The following MAL2 variants were observed in gnomAD, a reference collection of about 807,000 sequenced individuals.
MAL2 encodes the protein mal, T cell differentiation protein 2.
A neutral mutation model predicts 18.1 loss-of-function variants in MAL2; 17 were observed. The ratio of observed to expected loss-of-function variants is 0.94; its 90% confidence interval spans 0.64 to 1.41. The LOEUF is 1.41. MAL2 is among the 40% of genes most tolerant of loss of function. The pLI is 0.00. For missense variants in MAL2, 222 were observed against 231.9 expected (o/e 0.96, Z 0.28); for synonymous variants, 102 against 102.3 (o/e 1.00, Z 0.02).
At chr8:119,231,307 C>G (rs755504435) in intron 2 of MAL2, among the ~76,000 whole-genome samples, 1 of 152,230 alleles carries the variant, frequency 6.6e-6, no homozygotes, top group Non-Finnish European at 1.5e-5. Flanking sequence ...GCTGGGATTA[C>G]AGGCGTGAGC....
intron 2 of MAL2, among the ~76,000 whole-genome samples, chr8:119,232,479 A>G (rs529652773): frequency 2.5e-4 from 38 of 152,332 alleles, no homozygotes; most frequent in African/African-American, 8.7e-4. Context: ...ATATTAATTC[A>G]GGTAAGACAA....
rs1455941616 is a variant in MAL2, at chr8:119,208,423, A to AGGCGGGAGGCGGC, written c.-44_-32dup. 21 of 1,048,518 alleles carry AGGCGGGAGGCGGC rather than the reference A, an allele frequency of 2.0e-5. No individual in the cohort carries two copies. Among genetic ancestry groups the AGGCGGGAGGCGGC allele is most frequent in the Admixed American group, 5.2e-5 (1 of 19,358 alleles). The allele number at this position is 1,048,518 out of a possible 1,614,324, so 65.0% of individuals were successfully genotyped here. On this transcript the variant is annotated 5_prime_UTR_variant, in exon 1 of 4. Transcript: ENST00000614891. The surrounding 1 kb of genome is among the most constrained non-coding windows in gnomAD (Gnocchi z 4.3). ...GCGGCGGCAGGAGCCCGGGAGGCGG[A>AGGCGGGAGGCGGC]GGCGGGAGGCGGCGGCGGCGCGCGG... is the stretch of plus-strand genomic sequence containing the variant.
intron 1 of MAL2, among the ~76,000 whole-genome samples, chr8:119,218,316 C>A (rs188244614): frequency 3.3e-5 from 5 of 152,206 alleles, no homozygotes; most frequent in Non-Finnish European, 5.9e-5. Flanking sequence ...CATTTAGTTT[C>A]CCTTCCAAGC....
chr8:119,221,066 A>G (rs1817455359), intron 1 of MAL2: 1 of 154,022 alleles, frequency 6.5e-6, no homozygotes, highest in African/African-American at 2.4e-5. Flanking sequence ...GGTAGTTTTT[A>G]TTGTTTACCG....
intron 2 of MAL2, among the ~76,000 whole-genome samples, chr8:119,234,051 G>C (rs1316128598): frequency 5.3e-5 from 8 of 152,126 alleles, no homozygotes; most frequent in Admixed American, 4.6e-4. Flanking sequence ...GAGGTACCGG[G>C]TTCATCTCAC....
intron 1 of MAL2, among the ~76,000 whole-genome samples, chr8:119,218,689 G>T (rs952612248): frequency 6.6e-6 from 1 of 152,148 alleles, no homozygotes; most frequent in Admixed American, 6.5e-5. Context: ...GGGCTGGCCT[G>T]TTTGAGGTCC....
rs551944914 is a variant in MAL2 at position 119,230,248 on chromosome 8, A to G, written c.303+8491A>G. ...CACTATGTACTTTCTCCTAACACCA[A>G]GAGTATATATGACCCTGGCTGGATA... On this transcript the variant is annotated intron_variant, in intron 2 of 3. Coordinates refer to ENST00000614891, the MANE Select transcript of MAL2 (RefSeq NM_052886.3). Among the ~76,000 whole-genome samples the G allele has an allele frequency of 1.8e-3, 267 of 152,302 alleles. 2 individuals carry two copies. Among genetic ancestry groups the G allele is most frequent in the African/African-American group, 6.2e-3 (259 of 41,560 alleles).
chr8:119,232,403 T>C (rs1405212984), intron 2 of MAL2, among the ~76,000 whole-genome samples: 1 of 152,068 alleles, frequency 6.6e-6, no homozygotes, highest in Admixed American at 6.6e-5. Context: ...TAAGGATGAG[T>C]AATAATGCAC....
At chr8:119,242,627 G>C (rs993337011) in intron 3 of MAL2, among the ~76,000 whole-genome samples, 1 of 152,180 alleles carries the variant, frequency 6.6e-6, no homozygotes, top group African/African-American at 2.4e-5. Flanking sequence ...AGGGTGGAAA[G>C]AAAAGCAGAA....
chr8:119,219,801 C>T (rs1817433941), intron 1 of MAL2, among the ~76,000 whole-genome samples: 1 of 152,110 alleles, frequency 6.6e-6, no homozygotes, highest in Non-Finnish European at 1.5e-5. Context: ...CAGTGTATCT[C>T]ACTGATGTAA....
At chr8:119,241,009 G>A (rs2129924364) in intron 3 of MAL2, among the ~76,000 whole-genome samples, 1 of 152,180 alleles carries the variant, frequency 6.6e-6, no homozygotes, top group African/African-American at 2.4e-5. Flanking sequence ...GTCCAAATTA[G>A]TTTCTGAAAT....
In MAL2 at chr8:119,231,474, G is replaced by T. The variant is rs1480442878; in HGVS notation, c.304-8691G>T. Among the ~76,000 whole-genome samples the T allele has an allele frequency of 3.3e-5, 5 of 152,194 alleles. No individual in the cohort carries two copies. The East Asian group carries it at 7.7e-4, about 23-fold the overall frequency. ...GATAGGAAAGAACGTAGACTTCAAAGGGAACCCTTGCACACTGTTGGTAGG... is the reference window on the plus strand; with the variant it reads ...GATAGGAAAGAACGTAGACTTCAAATGGAACCCTTGCACACTGTTGGTAGG... On this transcript the variant is annotated intron_variant, in intron 2 of 3. Coordinates refer to ENST00000614891, the MANE Select transcript of MAL2 (RefSeq NM_052886.3).
Position 119,208,667 on chromosome 8 carries a change from C to G in MAL2, c.132+63C>G, listed in dbSNP as rs139965999. The G allele has an allele frequency of 8.1e-7, 1 of 1,241,020 alleles. No individual in the cohort carries two copies. The highest frequency in any genetic ancestry group is 1.6e-5 in the African/African-American group (1 of 63,956). The allele number at this position is 1,241,020 out of a possible 1,614,324, so 76.9% of individuals were successfully genotyped here. On this transcript the variant is annotated intron_variant, in intron 1 of 3. Coordinates refer to ENST00000614891, the MANE Select transcript of MAL2 (RefSeq NM_052886.3). The surrounding 1 kb of genome is among the most constrained non-coding windows in gnomAD (Gnocchi z 4.3). ...CGAGGACAGGCGGCGGCATCCTTGT[C>G]CCCCGGGCTGTCTTCCTCTGCGTCC... is the stretch of plus-strand genomic sequence containing the variant.
At chr8:119,225,567 C>T (rs1311204956) in intron 2 of MAL2, among the ~76,000 whole-genome samples, 2 of 152,176 alleles carry the variant, frequency 1.3e-5, no homozygotes, top group African/African-American at 4.8e-5. Flanking sequence ...GTGAATAGTG[C>T]CGCAATAAAC....
intron 2 of MAL2, among the ~76,000 whole-genome samples, chr8:119,238,025 A>C (rs983037627): frequency 2.0e-5 from 3 of 152,238 alleles, no homozygotes; most frequent in African/African-American, 7.2e-5. Context: ...ATGATTGTAT[A>C]TCTAGAAAAC....
intron 1 of MAL2, among the ~76,000 whole-genome samples, chr8:119,212,570 T>A (rs1308216178): frequency 6.6e-6 from 1 of 152,222 alleles, no homozygotes; most frequent in East Asian, 1.9e-4. Flanking sequence ...ATTACCATGC[T>A]GTGTATGAAG....
At chr8:119,231,068 G>C (rs1290721465) in intron 2 of MAL2, among the ~76,000 whole-genome samples, 1 of 151,800 alleles carries the variant, frequency 6.6e-6, no homozygotes, top group Non-Finnish European at 1.5e-5. Flanking sequence ...GTCTTGCTCT[G>C]TTGTCCAGGC....
At chr8:119,238,538 A>G (rs1817964898) in intron 2 of MAL2, among the ~76,000 whole-genome samples, 1 of 150,582 alleles carries the variant, frequency 6.6e-6, no homozygotes, top group African/African-American at 2.4e-5. Context: ...CTACAAGGCT[A>G]CAGTAACCAA....
chr8:119,212,123 C>T (rs578174262), intron 1 of MAL2, among the ~76,000 whole-genome samples: 27 of 152,130 alleles, frequency 1.8e-4, no homozygotes, highest in Admixed American at 3.9e-4. Context: ...CCAGGTGGGT[C>T]TATCTACTTT....
Sources: gnomAD v4.1 joint callset for allele counts (sites outside exome capture counted in the v4.1 genomes callset) on GRCh38, gnomAD v4.1.1 for gene constraint, Gnocchi (gnomAD v3.1) non-coding constraint, MANE v1.5 for transcripts, NCBI Gene and HGNC (gene_info 2026-07-23, HGNC 2026-07-21) for gene names.